Variants in LCMT1 observed in about 807,000 individuals in gnomAD.
LCMT1 encodes [Phosphatase 2A protein]-leucine-carboxy methyltransferase 1.
In LCMT1, 32 loss-of-function variants were observed where a neutral mutation model predicts 47.7. The observed-to-expected ratio is 0.67, with a 90% confidence interval of 0.51 to 0.90. The LOEUF (loss-of-function observed/expected upper bound fraction) is 0.90. Ranked by LOEUF, LCMT1 falls within the 40% of genes least tolerant of loss-of-function variation. The pLI is 0.00. For missense variants in LCMT1, 375 were observed against 415.2 expected, an observed-to-expected ratio of 0.90 and a Z score of 0.84; for synonymous variants, 152 against 149.7, an observed-to-expected ratio of 1.02 and a Z score of -0.11.
At chr16:25,169,299 A>G in intron 8 of LCMT1, 86 bp downstream of exon 8, 2 of 889,800 alleles carry the variant, frequency 2.2e-6, no homozygotes, top group Non-Finnish European at 3.7e-6. Flanking sequence ...GTGATCATGG[A>G]GAAGCCCTGT....
chr16:25,125,983 C>G (rs762042192), intron 1 of LCMT1: 2 of 1,313,534 alleles, frequency 1.5e-6, no homozygotes, highest in Admixed American at 2.0e-5. Flanking sequence ...CAGCAGCGCC[C>G]GACAGCACTC....
rs528420460 is a variant in LCMT1 at position 25,177,134 on chromosome 16, G to C, written c.983-867G>C. 5.1e-3 allele frequency among the ~76,000 whole-genome samples: 442 copies of C among 86,148 alleles called. 2 individuals carry two copies. Among genetic ancestry groups the C allele is most frequent in the African/African-American group, 0.017 (428 of 25,036 alleles). The allele number at this position is 86,148 out of a possible 152,430, so 56.5% of individuals were successfully genotyped here. ...GGCAGAAGTTGCAGTGAGCTGAGAT[G>C]GCACCACTGTACTCCAGCCTGGGCA... On this transcript the variant is annotated intron_variant, in intron 10 of 10. Coordinates refer to ENST00000399069, the MANE Select transcript of LCMT1 (RefSeq NM_016309.3).
Position 25,132,434 on chromosome 16 carries a change from C to T in LCMT1, c.238C>T (p.Leu80Phe), listed in dbSNP as rs991170569. 5 of 1,613,682 alleles carry T rather than the reference C, an allele frequency of 3.1e-6. No homozygotes were observed. The African/African-American group carries it at 6.7e-5, about 22-fold the overall frequency. Residue 80 changes from leucine to phenylalanine, a missense_variant, in exon 3 of 11, where the codon CTT becomes TTT. Physicochemically the swap from Leu to Phe is conservative, Grantham distance 22. Coordinates refer to ENST00000399069, the MANE Select transcript of LCMT1 (RefSeq NM_016309.3). ...TGCTCGAGTCCATGGTGTCAGTCAG[C>T]TTATAAAGGCATTTCTACGGAAGAC... ...YFARVHGVSQ[L>F]IKAFLRKTEC... is the part of the protein sequence containing the mutation.
intron 7 of LCMT1, among the ~76,000 whole-genome samples, chr16:25,165,066 G>A (rs996013453): frequency 6.6e-6 from 1 of 151,410 alleles, no homozygotes; most frequent in Admixed American, 6.6e-5. Context: ...GGTGGGGTCA[G>A]TGGAGGAAGT....
In LCMT1 at chr16:25,121,443, T is replaced by C. The variant is rs114567132; in HGVS notation, c.114-7032T>C. ...AGAAAAAGATATCAATTTCAAATTA[T>C]TTTTTTCTCTTAAAAGGTTAATTTT... On this transcript the variant is annotated intron_variant, in intron 1 of 10. Coordinates refer to ENST00000399069, the MANE Select transcript of LCMT1 (RefSeq NM_016309.3). 5.5e-3 allele frequency among the ~76,000 whole-genome samples: 832 copies of C among 152,220 alleles called. 9 individuals are homozygous for C. Among genetic ancestry groups the C allele is most frequent in the African/African-American group, 0.019 (804 of 41,528 alleles).
intron 3 of LCMT1, among the ~76,000 whole-genome samples, chr16:25,133,131 G>T (rs2141652219): frequency 6.6e-6 from 1 of 152,124 alleles, no homozygotes; most frequent in Non-Finnish European, 1.5e-5. Flanking sequence ...AAAGTGCTGG[G>T]ATTATAGGCA....
chr16:25,163,915 A>AG (rs1440690942), intron 6 of LCMT1, among the ~76,000 whole-genome samples: 3 of 152,014 alleles, frequency 2.0e-5, no homozygotes. Context: ...GGCCTTACTT[A>AG]GCTGGAGGTT....
chr16:25,133,385 G>GTTTT lies in LCMT1; in HGVS notation c.327+889_327+892dup, dbSNP rs1177872054. Among the ~76,000 whole-genome samples, 126 of 52,624 alleles carry GTTTT rather than the reference G, an allele frequency of 2.4e-3. 29 individuals are homozygous for GTTTT. The highest frequency in any genetic ancestry group is 0.012 in the Admixed American group (33 of 2,864). The allele number at this position is 52,624 out of a possible 152,430, so 34.5% of individuals were successfully genotyped here. A position where few individuals can be genotyped will look rare whatever the true frequency, so the allele number is the denominator to read the frequency against. Reference sequence around the variant, plus strand: ...TGTGGTCTTTGGCTCCTGGGCTTAGGTTTTTTTTTTTTTTTTTTTTTTTTT... The same window carrying GTTTT: ...TGTGGTCTTTGGCTCCTGGGCTTAGGTTTTTTTTTTTTTTTTTTTTTTTTTTTTT... On this transcript the variant is annotated intron_variant, in intron 3 of 10. Coordinates refer to ENST00000399069, the MANE Select transcript of LCMT1 (RefSeq NM_016309.3).
chr16:25,178,112 C>G lies in LCMT1; in HGVS notation c.*89C>G, dbSNP rs773355909. The G allele has an allele frequency of 6.5e-6, 8 of 1,230,266 alleles. 1 individual carries two copies. In the Middle Eastern group the frequency reaches 7.6e-4, roughly 116 times the overall value. 76.2% of individuals were successfully genotyped at this position (1,230,266 alleles called of 1,614,324 possible). On this transcript the variant is annotated 3_prime_UTR_variant, in exon 11 of 11. Coordinates refer to ENST00000399069, the MANE Select transcript of LCMT1 (RefSeq NM_016309.3). Reference sequence around the variant, plus strand: ...AGCTCCCTGAGCGGTGGGCGGGCCTCGTCCGCAGGTCTCATCCCACACTCT... The same window carrying G: ...AGCTCCCTGAGCGGTGGGCGGGCCTGGTCCGCAGGTCTCATCCCACACTCT...
In LCMT1 at chr16:25,129,857, T is replaced by G. The variant is rs148609953; in HGVS notation, c.205+1291T>G. On this transcript the variant is annotated intron_variant, in intron 2 of 10. Coordinates refer to ENST00000399069, the MANE Select transcript of LCMT1 (RefSeq NM_016309.3). ...GTGAATCTTCCCTAAGGATGGAAATTGAGGATTTCTGCCCAGTTGCGCAGC... is the reference window on the plus strand; with the variant it reads ...GTGAATCTTCCCTAAGGATGGAAATGGAGGATTTCTGCCCAGTTGCGCAGC... 1.3e-3 allele frequency among the ~76,000 whole-genome samples: 205 copies of G among 152,296 alleles called. 1 individual carries two copies. The highest frequency in any genetic ancestry group is 4.8e-3 in the African/African-American group (198 of 41,552).
chr16:25,168,040 A>C (rs1410843957), intron 7 of LCMT1, among the ~76,000 whole-genome samples: 2 of 148,288 alleles, frequency 1.3e-5, no homozygotes, highest in African/African-American at 5.0e-5. Context: ...TATAGGCGTG[A>C]GCTACCGCAC....
chr16:25,118,966 C>T (rs1229657145), intron 1 of LCMT1, among the ~76,000 whole-genome samples: 1 of 152,078 alleles, frequency 6.6e-6, no homozygotes, highest in Non-Finnish European at 1.5e-5. Context: ...GTGAGGTGGT[C>T]TCACTTGGTT....
chr16:25,160,916 T>TA lies in LCMT1; in HGVS notation c.467-185dup, dbSNP rs1961410162. On this transcript the variant is annotated intron_variant, in intron 5 of 10. Transcript: ENST00000399069. ...CACATAGGACAAAAGGCTGAAATGT[T>TA]ACACACCAAAACACGAATAGTTATC... 1.4e-5 allele frequency: 9 copies of TA among 646,954 alleles called. 1 individual carries two copies. The highest frequency in any genetic ancestry group is 1.3e-4 in the South Asian group (8 of 62,780). The allele number at this position is 646,954 out of a possible 1,614,324, so 40.1% of individuals were successfully genotyped here.
At chr16:25,160,318 G>GT (rs1961388932) in intron 5 of LCMT1, among the ~76,000 whole-genome samples, 1 of 127,602 alleles carries the variant, frequency 7.8e-6, no homozygotes, top group Non-Finnish European at 1.7e-5. Context: ...TATCAATCTG[G>GT]TTTAGCACGC....
At chr16:25,176,207 C>A (rs1317616698) in intron 10 of LCMT1, among the ~76,000 whole-genome samples, 1 of 152,120 alleles carries the variant, frequency 6.6e-6, no homozygotes, top group Non-Finnish European at 1.5e-5. Flanking sequence ...TTTCAGCTGC[C>A]CCCTGCTGGG....
chr16:25,113,276 G>A (rs904477023), intron 1 of LCMT1, among the ~76,000 whole-genome samples: 2 of 152,274 alleles, frequency 1.3e-5, no homozygotes, highest in Middle Eastern at 3.4e-3. Flanking sequence ...CTGAGGCCAC[G>A]TAGTGATTGT....
At chr16:25,127,381 TC>T (rs1254173825) in intron 1 of LCMT1, among the ~76,000 whole-genome samples, 1 of 152,200 alleles carries the variant, frequency 6.6e-6, no homozygotes, top group African/African-American at 2.4e-5. Flanking sequence ...ACAGATCGTG[TC>T]CATTAGTGAG....
chr16:25,124,443 C>T (rs1960095803), intron 1 of LCMT1, among the ~76,000 whole-genome samples: 1 of 152,234 alleles, frequency 6.6e-6, no homozygotes, highest in South Asian at 2.1e-4. Flanking sequence ...TTAAGTTCCA[C>T]AGCTGATGTA....
At chr16:25,142,685 C>T (rs1225692969) in intron 4 of LCMT1, 2 of 152,184 alleles carry the variant, frequency 1.3e-5, no homozygotes, top group African/African-American at 4.8e-5. Context: ...TTATACCCAG[C>T]AGGGACAAAC....
Sources: allele counts gnomAD v4.1 joint callset (sites outside exome capture counted in the v4.1 genomes callset), GRCh38; gene constraint gnomAD v4.1.1; transcripts MANE v1.5; gene names NCBI Gene and HGNC (gene_info 2026-07-23, HGNC 2026-07-21).